CHCHD3: variants seen among roughly 807,000 people sequenced by gnomAD.
CHCHD3 encodes the protein MICOS complex subunit MIC19.
A neutral mutation model predicts 38.2 loss-of-function variants in CHCHD3; 20 were observed. That is an observed-to-expected ratio of 0.52 (90% CI 0.37 to 0.76). The LOEUF (loss-of-function observed/expected upper bound fraction) is 0.76. CHCHD3 is among the 30% of genes least tolerant of loss of function. CHCHD3 has a pLI of 0.00. For missense variants in CHCHD3, 245 were observed against 279.2 expected (o/e 0.88, Z 0.87); for synonymous variants, 82 against 100.0 (o/e 0.82, Z 1.07).
intron 4 of CHCHD3, among the ~76,000 whole-genome samples, chr7:132,952,444 G>A (rs1003760119): frequency 3.9e-5 from 6 of 152,086 alleles, no homozygotes; most frequent in Middle Eastern, 3.2e-3. Flanking sequence ...CACAAAATTC[G>A]CAACTTTAAA....
chr7:133,076,369 C>T (rs1814991492), intron 1 of CHCHD3, among the ~76,000 whole-genome samples: 1 of 152,142 alleles, frequency 6.6e-6, no homozygotes, highest in Non-Finnish European at 1.5e-5. Flanking sequence ...TTGCATGGTT[C>T]TGGCCAGAAT....
Position 133,035,174 on chromosome 7 carries a change from C to T in CHCHD3, c.170-10547G>A, listed in dbSNP as rs1584661675. On this transcript the variant is annotated intron_variant, in intron 2 of 7. Coordinates refer to ENST00000262570, the MANE Select transcript of CHCHD3 (RefSeq NM_017812.4). The surrounding 1 kb of genome is among the most constrained non-coding windows in gnomAD (Gnocchi z 4.7). ...CAGGGGCAGCCGCCTTTTTCTCCTC[C>T]TTCCGCTCAGCCTGGGGCTTCTGCT... 3 of 1,613,728 alleles carry T rather than the reference C, an allele frequency of 1.9e-6. No individual in the cohort carries two copies. The highest frequency in any genetic ancestry group is 2.5e-6 in the Non-Finnish European group (3 of 1,179,702).
At chr7:133,040,246 CT>C (rs946380905) in intron 2 of CHCHD3, among the ~76,000 whole-genome samples, 20 of 152,184 alleles carry the variant, frequency 1.3e-4, no homozygotes, top group African/African-American at 2.4e-5. Flanking sequence ...AGGAAAGTCT[CT>C]TTTTTCATTA....
intron 2 of CHCHD3, among the ~76,000 whole-genome samples, chr7:133,054,141 A>G (rs776442399): frequency 1.7e-4 from 26 of 152,266 alleles, no homozygotes; most frequent in Non-Finnish European, 3.4e-4. Flanking sequence ...GGTGACAGAA[A>G]AATAGCACCA....
intron 1 of CHCHD3, among the ~76,000 whole-genome samples, chr7:133,073,909 C>A (rs969336990): frequency 6.6e-6 from 1 of 152,192 alleles, no homozygotes; most frequent in African/African-American, 2.4e-5. Context: ...ACGTCCATCT[C>A]CTTGCCTTTA....
intron 4 of CHCHD3, among the ~76,000 whole-genome samples, chr7:132,906,918 C>T (rs1809817046): frequency 6.6e-6 from 1 of 152,190 alleles, no homozygotes. Flanking sequence ...CACCAACTTA[C>T]TCAGCTCTAA....
intron 1 of CHCHD3, among the ~76,000 whole-genome samples, chr7:133,072,825 CAAAA>C (rs34614646): frequency 8.1e-6 from 1 of 122,994 alleles, no homozygotes. Context: ...GACTCCGTCT[CAAAA>C]AAAAAAAAAA....
At chr7:133,008,567 T>A (rs1456050765) in intron 3 of CHCHD3, among the ~76,000 whole-genome samples, 1 of 152,142 alleles carries the variant, frequency 6.6e-6, no homozygotes, top group Non-Finnish European at 1.5e-5. Flanking sequence ...TTACAATGCA[T>A]AAGAATATGT....
At chr7:132,804,727 C>T (rs1806871972) in intron 6 of CHCHD3, among the ~76,000 whole-genome samples, 1 of 152,146 alleles carries the variant, frequency 6.6e-6, no homozygotes, top group Non-Finnish European at 1.5e-5. Flanking sequence ...TTTTCTACTA[C>T]ATTTTAAAAG....
At chr7:132,903,584 CCAA>C (rs901204354) in intron 4 of CHCHD3, among the ~76,000 whole-genome samples, 4 of 151,974 alleles carry the variant, frequency 2.6e-5, no homozygotes, top group South Asian at 2.1e-4. Flanking sequence ...AGGTTTGAAC[CCAA>C]CAACAACAAC....
At chr7:132,934,026 T>C (rs1235813623) in intron 4 of CHCHD3, among the ~76,000 whole-genome samples, 3 of 152,214 alleles carry the variant, frequency 2.0e-5, no homozygotes, top group African/African-American at 7.2e-5. Flanking sequence ...ATTTCCACCC[T>C]GGCAGATTAA....
chr7:132,795,236 G>A (rs188514884), intron 7 of CHCHD3, among the ~76,000 whole-genome samples: 8 of 152,184 alleles, frequency 5.3e-5, no homozygotes, highest in Admixed American at 1.3e-4. Flanking sequence ...CAACCTACGA[G>A]TCTCAAGTCC....
At chr7:132,910,249 G>T (rs1205810071) in intron 4 of CHCHD3, among the ~76,000 whole-genome samples, 1 of 152,092 alleles carries the variant, frequency 6.6e-6, no homozygotes, top group Non-Finnish European at 1.5e-5. Context: ...CCAAGGGCAG[G>T]GGGTATTTCT....
chr7:132,882,638 T>C (rs1809095947), intron 5 of CHCHD3, among the ~76,000 whole-genome samples: 1 of 152,096 alleles, frequency 6.6e-6, no homozygotes, highest in African/African-American at 2.4e-5. Flanking sequence ...ACAAATCTTC[T>C]CAGACGTTTG....
Position 132,834,923 on chromosome 7 carries a change from A to C in CHCHD3, c.524+3476T>G, listed in dbSNP as rs141030429. On this transcript the variant is annotated intron_variant, in intron 6 of 7. Transcript: ENST00000262570. ...ACATGGTCCAAGGGGCCCAGCAAGA[A>C]TAGCAATTTCTTTTTTTTCCTCTCA... Among the ~76,000 whole-genome samples the C allele has an allele frequency of 7.8e-3, 1,187 of 152,082 alleles. 19 individuals carry two copies. Among genetic ancestry groups the C allele is most frequent in the African/African-American group, 0.027 (1,100 of 41,484 alleles).
In CHCHD3 at chr7:132,978,322, T is replaced by C. The variant is rs140407699; in HGVS notation, c.252-3036A>G. On this transcript the variant is annotated intron_variant, in intron 3 of 7. Transcript: ENST00000262570. ...ACCAATAAATTCTGCTTTATTTTTA[T>C]GATCTCTAAGGACTTCTAAAATCAC... Among the ~76,000 whole-genome samples, 134 of 152,310 alleles carry C rather than the reference T, an allele frequency of 8.8e-4. No individual in the cohort carries two copies. In the Middle Eastern group the frequency reaches 0.031, roughly 35 times the overall value.
intron 2 of CHCHD3, among the ~76,000 whole-genome samples, chr7:133,047,318 T>C (rs886527266): frequency 6.6e-6 from 1 of 152,090 alleles, no homozygotes; most frequent in South Asian, 2.1e-4. Context: ...CATAAGACAA[T>C]CCAAAAAGCC....
Position 133,035,301 on chromosome 7 carries a change from A to C in CHCHD3, c.170-10674T>G, listed in dbSNP as rs374783051. On this transcript the variant is annotated intron_variant, in intron 2 of 7. Coordinates refer to ENST00000262570, the MANE Select transcript of CHCHD3 (RefSeq NM_017812.4). The surrounding 1 kb of genome is among the most constrained non-coding windows in gnomAD (Gnocchi z 4.7). ...CTGGGCCATCTTCTCACACAGTTTC[A>C]GTTCCCCCAAGACAGCCCGGAACTG... The C allele has an allele frequency of 5.6e-6, 9 of 1,612,022 alleles. No individual in the cohort carries two copies. In the African/African-American group the frequency reaches 8.0e-5, roughly 14 times the overall value.
At chr7:133,031,808 A>G (rs762305035) in intron 2 of CHCHD3, among the ~76,000 whole-genome samples, 3 of 152,202 alleles carry the variant, frequency 2.0e-5, no homozygotes, top group African/African-American at 4.8e-5. Context: ...GATTTCAGAT[A>G]AAGACTCTGA....
Sources: allele counts gnomAD v4.1 joint callset (sites outside exome capture counted in the v4.1 genomes callset), GRCh38; gene constraint gnomAD v4.1.1; non-coding constraint Gnocchi (gnomAD v3.1); transcripts MANE v1.5; gene names NCBI Gene and HGNC (gene_info 2026-07-23, HGNC 2026-07-21).